Variants in CHST13 observed in about 807,000 individuals in gnomAD.
CHST13 encodes carbohydrate sulfotransferase 13, also known as C4ST-3.
Under a neutral mutation model 7.0 loss-of-function variants are expected in CHST13, and 1 was observed. That is an observed-to-expected ratio of 0.14 (90% CI 0.05 to 0.68). The LOEUF is 0.68. Ranked by LOEUF, CHST13 falls within the 30% of genes least tolerant of loss-of-function variation. The pLI, the probability that CHST13 is intolerant of heterozygous loss-of-function variation, is 0.82. For synonymous variants in CHST13, 257 were observed against 240.9 expected (o/e 1.07, Z -0.62); for missense variants, 572 against 507.9 (o/e 1.13, Z -1.21).
Position 126,536,255 on chromosome 3 carries a change from C to G in CHST13, c.98-16C>G, listed in dbSNP as rs368537915. The G allele has an allele frequency of 1.2e-4, 187 of 1,611,466 alleles. 1 individual carries two copies. In the African/African-American group the frequency reaches 1.5e-3, roughly 13 times the overall value. ...CCTCTGATATGGTGGCGACATCTCT[C>G]TCCTTATGCCCACAGCATTTGGAAA... On this transcript the variant is annotated splice_polypyrimidine_tract_variant and intron_variant, in intron 1 of 2. Transcript: ENST00000319340.
At chr3:126,540,072 C>T (rs1432601839) in intron 2 of CHST13, among the ~76,000 whole-genome samples, 2 of 150,842 alleles carry the variant, frequency 1.3e-5, no homozygotes, top group African/African-American at 2.4e-5. Context: ...CACAGGCACA[C>T]ACCACACGCG....
chr3:126,539,000 T>C (rs1395836990), intron 2 of CHST13, among the ~76,000 whole-genome samples: 1 of 152,216 alleles, frequency 6.6e-6, no homozygotes, highest in African/African-American at 2.4e-5. Context: ...CTTCCAGACA[T>C]GCTCTAGGCG....
Position 126,524,188 on chromosome 3 carries a change from G to T in CHST13, c.-145G>T, listed in dbSNP as rs1269963209. Reference sequence around the variant, plus strand: ...GCGACTCGCAGGGGCTGGTGGGGCTGGGGTCCAGCTGCCGTGCTCCCCTGC... The same window carrying T: ...GCGACTCGCAGGGGCTGGTGGGGCTTGGGTCCAGCTGCCGTGCTCCCCTGC... On this transcript the variant is annotated 5_prime_UTR_variant, in exon 1 of 3. Coordinates refer to ENST00000319340, the MANE Select transcript of CHST13 (RefSeq NM_152889.3). 7 of 493,614 alleles carry T rather than the reference G, an allele frequency of 1.4e-5. No homozygotes were observed. Among genetic ancestry groups the T allele is most frequent in the Non-Finnish European group, 2.1e-5 (7 of 327,228 alleles). 30.6% of individuals were successfully genotyped at this position (493,614 alleles called of 1,614,324 possible).
intron 1 of CHST13, among the ~76,000 whole-genome samples, chr3:126,535,520 C>A (rs1176118751): frequency 6.6e-6 from 1 of 151,270 alleles, no homozygotes; most frequent in African/African-American, 2.4e-5. Context: ...TGTCCTCAGC[C>A]GGGAGACACA....
rs775724154 is a variant in CHST13, at chr3:126,542,551, C to T, written c.999C>T (p.Ser333=). ...TGGACTTCCTGCTTTTCAACTACTC[C>T]GCCCCCTCCTACCTGCGGCTGCTCT... is the stretch of plus-strand genomic sequence containing the variant. The part of the protein sequence containing the change: ...YKMDFLLFNY[S]APSYLRLL Residue 333 remains serine (S), a synonymous_variant, in exon 3 of 3, where the codon TCC becomes TCT. Transcript: ENST00000319340. The T allele has an allele frequency of 3.3e-6, 5 of 1,516,258 alleles. No homozygotes were observed. Among genetic ancestry groups the T allele is most frequent in the East Asian group, 5.1e-5 (2 of 39,204 alleles). The allele number at this position is 1,516,258 out of a possible 1,614,324, so 93.9% of individuals were successfully genotyped here. A position where few individuals can be genotyped will look rare whatever the true frequency, so the allele number is the denominator to read the frequency against.
intron 1 of CHST13, among the ~76,000 whole-genome samples, chr3:126,526,060 T>A (rs1936531373): frequency 6.6e-6 from 1 of 152,096 alleles, no homozygotes; most frequent in African/African-American, 2.4e-5. Flanking sequence ...TCTCAGCATC[T>A]CTCTCTGTTT....
At chr3:126,539,860 C>CACACACT (rs1560142686) in intron 2 of CHST13, among the ~76,000 whole-genome samples, 1 of 402 alleles carries the variant, frequency 2.5e-3, no homozygotes, top group Non-Finnish European at 4.7e-3. Context: ...CACACACACA[C>CACACACT]CCCACACCAC....
At chr3:126,531,205 C>T (rs1576748326) in intron 1 of CHST13, among the ~76,000 whole-genome samples, 1 of 152,238 alleles carries the variant, frequency 6.6e-6, no homozygotes, top group Non-Finnish European at 1.5e-5. Context: ...TGGGCCCCAC[C>T]CCCCAACCTA....
intron 2 of CHST13, among the ~76,000 whole-genome samples, chr3:126,537,930 G>A (rs1306178406): frequency 6.6e-6 from 1 of 152,188 alleles, no homozygotes; most frequent in Non-Finnish European, 1.5e-5. Flanking sequence ...ACTAGAGCCA[G>A]CAAGGAATCC....
In CHST13 at chr3:126,542,346, G is replaced by A; in HGVS notation, c.794G>A (p.Gly265Asp). The change falls in exon 3 of 3, where the codon GGC becomes GAC. Residue 265 changes from glycine to aspartate, a missense_variant. By Grantham distance (94) the Gly-to-Asp change is moderately conservative. Transcript: ENST00000319340. Reference sequence around the variant, plus strand: ...TGTCGCCTCCGCTACGACGTCGTGGGCAAGTTCGAGACGCTGGCGGAGGAC... The same window carrying A: ...TGTCGCCTCCGCTACGACGTCGTGGACAAGTTCGAGACGCTGGCGGAGGAC... ...HPCRLRYDVV[G>D]KFETLAEDAA... 1.3e-6 allele frequency: 2 copies of A among 1,565,352 alleles called. No individual in the cohort carries two copies. Among genetic ancestry groups the A allele is most frequent in the East Asian group, 2.4e-5 (1 of 40,850 alleles).
intron 1 of CHST13, among the ~76,000 whole-genome samples, chr3:126,530,063 C>T (rs577837564): frequency 6.6e-6 from 1 of 152,208 alleles, no homozygotes; most frequent in Non-Finnish European, 1.5e-5. Flanking sequence ...GGGGCCAGCC[C>T]CCAGCTGGCC....
chr3:126,536,892 CACAA>C lies in CHST13; in HGVS notation c.180+543_180+546del, dbSNP rs1484293289. ...TCTCTCTCTCTTTCTCACACACACACACAAACACACACACACACACACACACACA... is the reference window on the plus strand; with the variant it reads ...TCTCTCTCTCTTTCTCACACACACACACACACACACACACACACACACACA... On this transcript the variant is annotated intron_variant, in intron 2 of 2. Coordinates refer to ENST00000319340, the MANE Select transcript of CHST13 (RefSeq NM_152889.3). 3.2e-4 allele frequency among the ~76,000 whole-genome samples: 40 copies of C among 123,460 alleles called. No individual in the cohort carries two copies. In the South Asian group the frequency reaches 7.2e-3, roughly 22 times the overall value. 81.0% of individuals were successfully genotyped at this position (123,460 alleles called of 152,430 possible).
At position 126,536,275 on chromosome 3, in the gene CHST13, T is replaced by G; in HGVS notation, c.102T>G (p.Phe34Leu). The change falls in exon 2 of 3, where the codon TTT (phenylalanine) becomes TTG (leucine). Residue 34 changes from phenylalanine (F) to leucine (L), a missense_variant. Coordinates refer to ENST00000319340, the MANE Select transcript of CHST13 (RefSeq NM_152889.3). ...CAAPRSLRPA[F>L]GNRALGSSWL... is the part of the protein sequence containing the mutation. ...TCTCTCTCCTTATGCCCACAGCATT[T>G]GGAAACAGAGCCCTGGGCTCCAGCT... 1 of 1,613,578 alleles carries G rather than the reference T, an allele frequency of 6.2e-7. No individual in the cohort carries two copies. The highest frequency in any genetic ancestry group is 8.5e-7 in the Non-Finnish European group (1 of 1,179,632).
At chr3:126,536,896 A>ACAC (rs1936805469) in intron 2 of CHST13, among the ~76,000 whole-genome samples, 11 of 140,490 alleles carry the variant, frequency 7.8e-5, no homozygotes, top group South Asian at 2.5e-4. Context: ...CACACACACA[A>ACAC]ACACACACAC....
chr3:126,532,095 G>T (rs1936672258), intron 1 of CHST13, among the ~76,000 whole-genome samples: 1 of 152,070 alleles, frequency 6.6e-6, no homozygotes, highest in Admixed American at 6.5e-5. Flanking sequence ...CAGATTCTTT[G>T]CCCATTTAAA....
intron 1 of CHST13, among the ~76,000 whole-genome samples, chr3:126,529,787 C>T (rs1936612990): frequency 6.6e-6 from 1 of 152,206 alleles, no homozygotes; most frequent in Admixed American, 6.5e-5. Context: ...CCCTTCTCTC[C>T]CCTGTCTCCC....
intron 1 of CHST13, 41 bp downstream of exon 1, chr3:126,524,470 C>A: frequency 1.4e-6 from 1 of 737,608 alleles, no homozygotes; most frequent in Non-Finnish European, 1.9e-6. Flanking sequence ...CCAACCAAAC[C>A]TGGCTCCTCG....
chr3:126,539,134 CAAG>C (rs1174379156), intron 2 of CHST13, among the ~76,000 whole-genome samples: 2 of 152,068 alleles, frequency 1.3e-5, no homozygotes, highest in African/African-American at 2.4e-5. Flanking sequence ...CAAGCATATG[CAAG>C]AAGAAGGGAG....
chr3:126,536,988 T>C (rs974011272), intron 2 of CHST13, among the ~76,000 whole-genome samples: 8 of 151,940 alleles, frequency 5.3e-5, no homozygotes, highest in African/African-American at 1.9e-4. Context: ...CAGGCTGTGG[T>C]CAGGATGCTG....
Sources: allele counts gnomAD v4.1 joint callset (sites outside exome capture counted in the v4.1 genomes callset), GRCh38; gene constraint gnomAD v4.1.1; transcripts MANE v1.5; gene names NCBI Gene and HGNC (gene_info 2026-07-23, HGNC 2026-07-21).